Variants in NUP54 observed in about 807,000 individuals in gnomAD.
NUP54 encodes nucleoporin p54.
NUP54 carries 27 observed loss-of-function variants against 66.4 expected under a neutral mutation model. That is an observed-to-expected ratio of 0.41 (90% CI 0.30 to 0.56). The LOEUF is 0.56. Among genes scored for constraint, NUP54 ranks in the 20% least tolerant of loss-of-function variants. NUP54 has a pLI of 0.34. For missense variants in NUP54, 486 were observed against 596.3 expected, an observed-to-expected ratio of 0.82 and a Z score of 1.93; for synonymous variants, 206 against 210.7, an observed-to-expected ratio of 0.98 and a Z score of 0.19.
intron 5 of NUP54, 32 bp downstream of exon 5, chr4:76,134,143 C>T: frequency 3.4e-6 from 5 of 1,469,510 alleles, no homozygotes; most frequent in Non-Finnish European, 4.7e-6. Flanking sequence ...AATAAATACA[C>T]AGAAATAAAC....
intron 3 of NUP54, among the ~76,000 whole-genome samples, chr4:76,143,827 A>G (rs1272956741): frequency 1.3e-5 from 2 of 152,186 alleles, no homozygotes; most frequent in Admixed American, 6.5e-5. Context: ...TGACATGGGC[A>G]GTGATTACAA....
chr4:76,132,393 A>T, intron 6 of NUP54, 130 bp downstream of exon 6: 1 of 579,514 alleles, frequency 1.7e-6, no homozygotes, highest in South Asian at 4.7e-5. Flanking sequence ...TATTTCCCAA[A>T]TAAGTAGATA....
intron 3 of NUP54, among the ~76,000 whole-genome samples, chr4:76,137,375 T>TGGAG (rs1404808039): frequency 1.3e-5 from 2 of 151,988 alleles, no homozygotes; most frequent in East Asian, 3.9e-4. Flanking sequence ...CATGAAAGAA[T>TGGAG]GGAGGGAGGG....
At chr4:76,136,097 T>C (rs1440779469) in intron 4 of NUP54, 89 bp downstream of exon 4, 7 of 862,584 alleles carry the variant, frequency 8.1e-6, no homozygotes, top group Non-Finnish European at 1.3e-5. Context: ...GGAGTAAAGA[T>C]CCAAGCAATT....
intron 8 of NUP54, among the ~76,000 whole-genome samples, chr4:76,127,717 CAA>C (rs1444924683): frequency 6.6e-6 from 1 of 151,716 alleles, no homozygotes; most frequent in Non-Finnish European, 1.5e-5. Flanking sequence ...ACAGAATTAA[CAA>C]AGAGATGAGA....
intron 3 of NUP54, among the ~76,000 whole-genome samples, chr4:76,137,788 T>A (rs1410345342): frequency 6.6e-6 from 1 of 152,242 alleles, no homozygotes; most frequent in Non-Finnish European, 1.5e-5. Flanking sequence ...GGCAAAGTTA[T>A]CTACCTAGAA....
intron 9 of NUP54, chr4:76,118,401 T>C (rs1730054829): frequency 1.9e-6 from 1 of 520,644 alleles, no homozygotes. Context: ...AATTGTTTTT[T>C]TTGAGACAGG....
intron 1 of NUP54, among the ~76,000 whole-genome samples, chr4:76,146,846 A>T (rs1731522852): frequency 6.6e-6 from 1 of 152,258 alleles, no homozygotes; most frequent in South Asian, 2.1e-4. Context: ...CTTACCTTTT[A>T]GAATTCGATG....
At chr4:76,121,901 A>G (rs1468373073) in intron 9 of NUP54, among the ~76,000 whole-genome samples, 1 of 152,216 alleles carries the variant, frequency 6.6e-6, no homozygotes, top group Non-Finnish European at 1.5e-5. Context: ...ATATACAATC[A>G]TATCAGCAAA....
intron 8 of NUP54, among the ~76,000 whole-genome samples, chr4:76,127,238 C>A (rs1339041546): frequency 2.0e-5 from 3 of 152,032 alleles, no homozygotes; most frequent in African/African-American, 7.2e-5. Flanking sequence ...CGAGACCATC[C>A]TGGCTAACAC....
chr4:76,134,961 T>C (rs1730970510), intron 4 of NUP54, among the ~76,000 whole-genome samples: 2 of 152,122 alleles, frequency 1.3e-5, no homozygotes, highest in South Asian at 4.1e-4. Context: ...CTTGGTAGGT[T>C]AGGTGTATTA....
At chr4:76,133,125 T>C (rs1315480450) in intron 5 of NUP54, among the ~76,000 whole-genome samples, 1 of 151,762 alleles carries the variant, frequency 6.6e-6, no homozygotes, top group Non-Finnish European at 1.5e-5. Context: ...CTCAAACTCC[T>C]GGTCTCAAGC....
At chr4:76,142,722 G>A (rs1176319845) in intron 3 of NUP54, among the ~76,000 whole-genome samples, 2 of 152,204 alleles carry the variant, frequency 1.3e-5, no homozygotes, top group Non-Finnish European at 2.9e-5. Flanking sequence ...TAACCAGACT[G>A]TCTCAAAGGG....
At chr4:76,125,082 G>A (rs975682342) in intron 8 of NUP54, among the ~76,000 whole-genome samples, 7 of 152,022 alleles carry the variant, frequency 4.6e-5, no homozygotes, top group African/African-American at 1.7e-4. Context: ...TTAAGGTCAG[G>A]AGTTCAAGAC....
At chr4:76,146,671 G>A (rs1731513566) in intron 1 of NUP54, among the ~76,000 whole-genome samples, 1 of 152,202 alleles carries the variant, frequency 6.6e-6, no homozygotes, top group Non-Finnish European at 1.5e-5. Context: ...TATACGAGCA[G>A]CTGAAGAACA....
chr4:76,123,104 A>T (rs550758852), intron 9 of NUP54, among the ~76,000 whole-genome samples: 1 of 152,236 alleles, frequency 6.6e-6, no homozygotes, highest in Non-Finnish European at 1.5e-5. Flanking sequence ...CTGTAGGGTG[A>T]CAGAAATGTT....
At chr4:76,123,481 G>A (rs1730324043) in intron 9 of NUP54, among the ~76,000 whole-genome samples, 1 of 151,774 alleles carries the variant, frequency 6.6e-6, no homozygotes. Flanking sequence ...TTCCAAATCT[G>A]TTACCCTAAA....
Position 76,120,111 on chromosome 4 carries a change from CCAT to C in NUP54, c.1165-1920_1165-1918del, listed in dbSNP as rs1730163937. Among the ~76,000 whole-genome samples, 3 of 151,934 alleles carry C rather than the reference CCAT, an allele frequency of 2.0e-5. No homozygotes were observed. In the South Asian group the frequency reaches 6.2e-4, roughly 32 times the overall value. On this transcript the variant is annotated intron_variant, in intron 9 of 11. Transcript: ENST00000264883. ...TACATTTTGTTTTCACACTACAATGCCATAATAAACATTTTTGTAGCTTTGACT... is the reference window on the plus strand; with the variant it reads ...TACATTTTGTTTTCACACTACAATGCAATAAACATTTTTGTAGCTTTGACT...
At chr4:76,125,945 G>A (rs1730521601) in intron 8 of NUP54, among the ~76,000 whole-genome samples, 1 of 151,426 alleles carries the variant, frequency 6.6e-6, no homozygotes, top group South Asian at 2.1e-4. Context: ...AATAATTAAG[G>A]AATCTGAAGT....
Sources: allele counts gnomAD v4.1 joint callset (sites outside exome capture counted in the v4.1 genomes callset), GRCh38; gene constraint gnomAD v4.1.1; transcripts MANE v1.5; gene names NCBI Gene and HGNC (gene_info 2026-07-23, HGNC 2026-07-21).